TMEM131: variants seen among roughly 807,000 people sequenced by gnomAD.
The protein encoded by TMEM131 is 2610524E03Rik.
In TMEM131, 66 loss-of-function variants were observed where a neutral mutation model predicts 211.6. That is an observed-to-expected ratio of 0.31 (90% CI 0.26 to 0.38). The LOEUF is 0.38. Ranked by LOEUF, TMEM131 falls within the 10% of genes least tolerant of loss-of-function variation. The pLI is 1.00. For synonymous variants in TMEM131, 844 were observed against 841.3 expected, an observed-to-expected ratio of 1.00 and a Z score of -0.06; for missense variants, 2,036 against 2,299.3, an observed-to-expected ratio of 0.89 and a Z score of 2.34.
chr2:97,822,992 A>T (rs1385573966), intron 11 of TMEM131, among the ~76,000 whole-genome samples: 4 of 152,166 alleles, frequency 2.6e-5, no homozygotes, highest in African/African-American at 9.7e-5. Context: ...AGTATAAATT[A>T]TAATACTATC....
At chr2:97,914,314 C>T (rs1676414325) in intron 2 of TMEM131, among the ~76,000 whole-genome samples, 1 of 152,176 alleles carries the variant, frequency 6.6e-6, no homozygotes, top group Non-Finnish European at 1.5e-5. Context: ...ATTCTGCAAA[C>T]ACTATGGCAT....
At chr2:97,874,865 T>C (rs1330666280) in intron 4 of TMEM131, among the ~76,000 whole-genome samples, 3 of 152,122 alleles carry the variant, frequency 2.0e-5, no homozygotes, top group South Asian at 2.1e-4. Context: ...AATTTACACA[T>C]AACAATATTA....
At chr2:97,891,566 G>T (rs1232565988) in intron 3 of TMEM131, among the ~76,000 whole-genome samples, 5 of 152,054 alleles carry the variant, frequency 3.3e-5, no homozygotes, top group Admixed American at 6.6e-5. Context: ...TTCAAGCTAG[G>T]AAACAACTGA....
chr2:97,952,232 C>T (rs534280466), intron 1 of TMEM131, among the ~76,000 whole-genome samples: 1 of 151,666 alleles, frequency 6.6e-6, no homozygotes, highest in African/African-American at 2.4e-5. Context: ...TGAACAAAGC[C>T]TCAGGGACCT....
At chr2:97,861,067 A>C (rs764091788) in intron 4 of TMEM131, among the ~76,000 whole-genome samples, 6 of 152,130 alleles carry the variant, frequency 3.9e-5, no homozygotes, top group Non-Finnish European at 8.8e-5. Context: ...ATCTGGCTGA[A>C]CTCAGCGGTC....
intron 3 of TMEM131, among the ~76,000 whole-genome samples, chr2:97,905,447 T>C (rs1483492184): frequency 6.6e-6 from 1 of 152,214 alleles, no homozygotes; most frequent in African/African-American, 2.4e-5. Flanking sequence ...TTCAGGTTTA[T>C]TAAAGTTCTT....
chr2:97,804,050 A>G (rs1264489777), intron 22 of TMEM131, among the ~76,000 whole-genome samples: 1 of 151,546 alleles, frequency 6.6e-6, no homozygotes, highest in Non-Finnish European at 1.5e-5. Context: ...AGATAAACAA[A>G]CCCTCCAATT....
chr2:97,876,930 A>C (rs1674720658), intron 4 of TMEM131, among the ~76,000 whole-genome samples: 1 of 152,174 alleles, frequency 6.6e-6, no homozygotes, highest in South Asian at 2.1e-4. Context: ...TTGCAGATGA[A>C]ATGATGATAC....
At chr2:97,853,522 C>T (rs1053872146) in intron 5 of TMEM131, among the ~76,000 whole-genome samples, 2 of 149,024 alleles carry the variant, frequency 1.3e-5, no homozygotes, top group African/African-American at 2.5e-5. Context: ...AGGAGAATTG[C>T]TTGAACCTGG....
chr2:97,806,495 C>G (rs573269583), intron 19 of TMEM131, among the ~76,000 whole-genome samples: 1 of 151,892 alleles, frequency 6.6e-6, no homozygotes, highest in Non-Finnish European at 1.5e-5. Context: ...GAGCCGAGAT[C>G]GTACCACGGC....
chr2:97,918,068 C>T (rs35218942), intron 2 of TMEM131, among the ~76,000 whole-genome samples: 47,043 of 151,836 alleles, frequency 0.31, 8,607 homozygotes, highest in Non-Finnish European at 0.39. Flanking sequence ...GTCAGCCTCC[C>T]GAGTAGCTGG....
chr2:97,994,229 C>A (rs757397414), intron 1 of TMEM131, among the ~76,000 whole-genome samples: 1 of 152,180 alleles, frequency 6.6e-6, no homozygotes, highest in African/African-American at 2.4e-5. Flanking sequence ...ATTATGACAA[C>A]CCCAGGACCG....
chr2:97,920,332 G>C (rs1050232522), intron 2 of TMEM131, among the ~76,000 whole-genome samples: 1 of 152,150 alleles, frequency 6.6e-6, no homozygotes, highest in African/African-American at 2.4e-5. Flanking sequence ...AGAAAAAATC[G>C]TATCTAACCG....
intron 1 of TMEM131, among the ~76,000 whole-genome samples, chr2:97,979,893 G>A (rs1195556102): frequency 2.6e-5 from 4 of 152,246 alleles, no homozygotes; most frequent in South Asian, 2.1e-4. Flanking sequence ...TGCTCTCCTC[G>A]CTAAGCTTAA....
In TMEM131 at chr2:97,943,011, GAAAAGAAAAGAAAAGAAAAGAAAAGA is replaced by G. The variant is rs1158736251; in HGVS notation, c.188-15550_188-15525del. Among the ~76,000 whole-genome samples the G allele has an allele frequency of 3.4e-3, 165 of 48,812 alleles. 2 individuals carry two copies. Among genetic ancestry groups the G allele is most frequent in the African/African-American group, 0.011 (102 of 9,640 alleles). The allele number at this position is 48,812 out of a possible 152,430, so 32.0% of individuals were successfully genotyped here. ...AAAGAAAGAAAAGAAAGAAAAGAAA[GAAAAGAAAAGAAAAGAAAAGAAAAGA>G]AAAGAAAGAAAGAAAGAAAGAAAGA... On this transcript the variant is annotated intron_variant, in intron 1 of 40. Coordinates refer to ENST00000186436, the MANE Select transcript of TMEM131 (RefSeq NM_015348.2).
chr2:97,757,086 T>C lies in TMEM131; in HGVS notation c.*13A>G, dbSNP rs776679695. 3 of 1,571,546 alleles carry C rather than the reference T, an allele frequency of 1.9e-6. No individual in the cohort carries two copies. Among genetic ancestry groups the C allele is most frequent in the South Asian group, 2.3e-5 (2 of 85,628 alleles). ...GACGAGGGCCCACTATGTTTGTTTG[T>C]TTTTTGCTTAATTTAATTCTCGTGA... On this transcript the variant is annotated 3_prime_UTR_variant, in exon 41 of 41. Transcript: ENST00000186436.
At chr2:97,883,980 GTTCTT>G (rs1675037738) in intron 4 of TMEM131, among the ~76,000 whole-genome samples, 1 of 151,736 alleles carries the variant, frequency 6.6e-6, no homozygotes, top group African/African-American at 2.4e-5. Context: ...GCTTTGATTT[GTTCTT>G]TTCTAGTTCT....
intron 3 of TMEM131, among the ~76,000 whole-genome samples, chr2:97,891,065 G>GT (rs1264402413): frequency 6.6e-6 from 1 of 152,110 alleles, no homozygotes; most frequent in East Asian, 1.9e-4. Context: ...CAAAAATGCA[G>GT]TAACACAGCT....
chr2:97,776,245 G>A (rs919685767), intron 31 of TMEM131, among the ~76,000 whole-genome samples: 13 of 151,914 alleles, frequency 8.6e-5, no homozygotes, highest in African/African-American at 2.7e-4. Flanking sequence ...TAGTAGAGAC[G>A]GGGTTTCGTC....
Sources: gnomAD v4.1 joint callset for allele counts (sites outside exome capture counted in the v4.1 genomes callset) on GRCh38, gnomAD v4.1.1 for gene constraint, MANE v1.5 for transcripts, NCBI Gene and HGNC (gene_info 2026-07-23, HGNC 2026-07-21) for gene names.